The following SUCLG2 variants were observed in gnomAD, a reference collection of about 807,000 sequenced individuals.
SUCLG2 encodes the protein succinate-CoA ligase GDP-forming subunit beta.
A neutral mutation model predicts 47.9 loss-of-function variants in SUCLG2; 42 were observed. The ratio of observed to expected loss-of-function variants is 0.88; its 90% CI spans 0.69 to 1.14. The LOEUF (loss-of-function observed/expected upper bound fraction) is 1.14. Ranked by LOEUF, SUCLG2 falls within the 50% of genes most tolerant of loss-of-function variation. The pLI is 0.00. For synonymous variants in SUCLG2, 195 were observed against 197.3 expected, an observed-to-expected ratio of 0.99 and a Z score of 0.10; for missense variants, 571 against 525.9, an observed-to-expected ratio of 1.09 and a Z score of -0.84.
At chr3:67,462,461 GC>G (rs1279959664) in intron 9 of SUCLG2, among the ~76,000 whole-genome samples, 1 of 152,000 alleles carries the variant, frequency 6.6e-6, no homozygotes, top group East Asian at 1.9e-4. Flanking sequence ...TGTCAATCAT[GC>G]CCATCCAATG....
intron 1 of SUCLG2, among the ~76,000 whole-genome samples, chr3:67,611,511 G>T (rs1294071804): frequency 2.0e-5 from 3 of 152,124 alleles, no homozygotes; most frequent in Admixed American, 2.0e-4. Flanking sequence ...CGAGTTTAAG[G>T]CATTTAGCGA....
chr3:67,377,269 T>C (rs1486835479), intron 10 of SUCLG2, among the ~76,000 whole-genome samples: 2 of 152,248 alleles, frequency 1.3e-5, no homozygotes, highest in Non-Finnish European at 2.9e-5. Flanking sequence ...AAAGATATGC[T>C]AGTCTGCTTA....
intron 9 of SUCLG2, among the ~76,000 whole-genome samples, chr3:67,470,191 A>G (rs1704570729): frequency 6.6e-6 from 1 of 152,224 alleles, no homozygotes; most frequent in South Asian, 2.1e-4. Flanking sequence ...AATAAACTAA[A>G]AAAAATGTAA....
At chr3:67,482,967 T>C (rs987447115) in intron 9 of SUCLG2, among the ~76,000 whole-genome samples, 2 of 152,136 alleles carry the variant, frequency 1.3e-5, no homozygotes, top group Non-Finnish European at 2.9e-5. Flanking sequence ...TACTTAGAGA[T>C]AACAATTAAT....
At chr3:67,563,542 T>C (rs1037032258) in intron 2 of SUCLG2, among the ~76,000 whole-genome samples, 1 of 152,152 alleles carries the variant, frequency 6.6e-6, no homozygotes, top group Non-Finnish European at 1.5e-5. Flanking sequence ...TCTAAAATAT[T>C]GTTCAGTGAA....
At chr3:67,480,606 T>C (rs1028457083) in intron 9 of SUCLG2, among the ~76,000 whole-genome samples, 6 of 152,174 alleles carry the variant, frequency 3.9e-5, no homozygotes, top group Admixed American at 6.5e-5. Context: ...CTAGGGAATG[T>C]AGCCTCCTGG....
At chr3:67,486,410 T>C (rs1037617243) in intron 9 of SUCLG2, among the ~76,000 whole-genome samples, 4 of 152,358 alleles carry the variant, frequency 2.6e-5, no homozygotes, top group South Asian at 4.1e-4. Flanking sequence ...ACAGTAGTTA[T>C]GGTCTATACA....
At chr3:67,610,990 C>T (rs936604528) in intron 1 of SUCLG2, among the ~76,000 whole-genome samples, 1 of 152,170 alleles carries the variant, frequency 6.6e-6, no homozygotes, top group African/African-American at 2.4e-5. Context: ...CAGTGCTTGA[C>T]ATATGAAAGA....
In SUCLG2 at chr3:67,654,528, G is replaced by A. The variant is rs1701351427; in HGVS notation, c.59C>T (p.Pro20Leu). 4 of 1,254,450 alleles carry A rather than the reference G, an allele frequency of 3.2e-6. No homozygotes were observed. In the Middle Eastern group the frequency reaches 1.2e-3, roughly 366 times the overall value. 77.7% of individuals were successfully genotyped at this position (1,254,450 alleles called of 1,614,324 possible). A position where few individuals can be genotyped will look rare whatever the true frequency, so the allele number is the denominator to read the frequency against. Residue 20 changes from proline (P) to leucine (L), a missense_variant, in exon 1 of 11, where the codon CCC becomes CTC. Coordinates refer to ENST00000307227, the MANE Select transcript of SUCLG2 (RefSeq NM_003848.4). The stretch of plus-strand genomic sequence containing the variant: ...CTGGGACCCGGCCGCCAGGAAGCGG[G>A]GCCGCAGCGCTAGGGCTCGCAGAAG... ...GKLLRALALR[P>L]RFLAAGSQAV... is the part of the protein sequence containing the mutation.
At chr3:67,452,705 A>G (rs1394438932) in intron 9 of SUCLG2, among the ~76,000 whole-genome samples, 1 of 152,164 alleles carries the variant, frequency 6.6e-6, no homozygotes, top group Non-Finnish European at 1.5e-5. Flanking sequence ...CAAGTAGATT[A>G]CTAAATCCAA....
At chr3:67,481,999 C>T (rs1028421607) in intron 9 of SUCLG2, among the ~76,000 whole-genome samples, 2 of 152,108 alleles carry the variant, frequency 1.3e-5, no homozygotes, top group Non-Finnish European at 2.9e-5. Flanking sequence ...GCCAACAAGG[C>T]GAAGCCCTGT....
chr3:67,373,094 C>T (rs1216938208), downstream of SUCLG2, among the ~76,000 whole-genome samples: 1 of 152,094 alleles, frequency 6.6e-6, no homozygotes, highest in African/African-American at 2.4e-5. Context: ...TGTTTCCTTC[C>T]CCACTATGAT....
intron 1 of SUCLG2, among the ~76,000 whole-genome samples, chr3:67,626,228 G>A (rs939634195): frequency 2.6e-5 from 4 of 151,878 alleles, no homozygotes; most frequent in Non-Finnish European, 4.4e-5. Flanking sequence ...TCCTGACCTC[G>A]TGATCTGCCC....
intron 5 of SUCLG2, 77 bp downstream of exon 5, chr3:67,520,405 T>TA: frequency 1.3e-6 from 2 of 1,596,184 alleles, no homozygotes; most frequent in Non-Finnish European, 1.7e-6. Context: ...CTCCTGGCCT[T>TA]AGACTCCCCA....
intron 2 of SUCLG2, among the ~76,000 whole-genome samples, chr3:67,575,708 A>T (rs1707724861): frequency 6.6e-6 from 1 of 152,228 alleles, no homozygotes; most frequent in Non-Finnish European, 1.5e-5. Flanking sequence ...TTTAAGAATA[A>T]CTTATTAAAA....
Position 67,375,043 on chromosome 3 carries a change from C to A in SUCLG2, c.*701G>T. The A allele has an allele frequency of 1.0e-6, 1 of 985,684 alleles. No homozygotes were observed. Among genetic ancestry groups the A allele is most frequent in the South Asian group, 4.7e-5 (1 of 21,282 alleles). The allele number at this position is 985,684 out of a possible 1,614,324, so 61.1% of individuals were successfully genotyped here. ...GACACAAAAATGGAAGCTTCCACTC[C>A]CAAAATCACAAATAAGGCTTCTGGT... On this transcript the variant is annotated 3_prime_UTR_variant, in exon 11 of 11. Coordinates refer to ENST00000307227, the MANE Select transcript of SUCLG2 (RefSeq NM_003848.4).
intron 9 of SUCLG2, among the ~76,000 whole-genome samples, chr3:67,414,671 A>G (rs1040701779): frequency 6.6e-6 from 1 of 152,196 alleles, no homozygotes; most frequent in Non-Finnish European, 1.5e-5. Context: ...CACTAGGCTT[A>G]CTAGACAAAA....
chr3:67,508,791 T>TC lies in SUCLG2; in HGVS notation c.757+15dup. On this transcript the variant is annotated intron_variant, in intron 7 of 10. Transcript: ENST00000307227. Reference sequence around the variant, plus strand: ...TAATACATTCATTTGTTTTCTCAATTCTTTTTTTTTTTTACCTTGTCCTTC... The same window carrying TC: ...TAATACATTCATTTGTTTTCTCAATTCCTTTTTTTTTTTTACCTTGTCCTTC... The TC allele has an allele frequency of 6.6e-7, 1 of 1,526,446 alleles. No individual in the cohort carries two copies. The highest frequency in any genetic ancestry group is 2.3e-5 in the East Asian group (1 of 44,294). 94.6% of individuals were successfully genotyped at this position (1,526,446 alleles called of 1,614,324 possible). A position where few individuals can be genotyped will look rare whatever the true frequency, so the allele number is the denominator to read the frequency against.
chr3:67,415,307 C>G (rs115450462), intron 9 of SUCLG2, among the ~76,000 whole-genome samples: 2 of 152,146 alleles, frequency 1.3e-5, no homozygotes, highest in African/African-American at 4.8e-5. Flanking sequence ...GGCTACAAAA[C>G]GAGGATTGAA....
Sources: allele counts gnomAD v4.1 joint callset (sites outside exome capture counted in the v4.1 genomes callset), GRCh38; gene constraint gnomAD v4.1.1; transcripts MANE v1.5; gene names NCBI Gene and HGNC (gene_info 2026-07-23, HGNC 2026-07-21).